Variants in GRM8 observed in about 807,000 individuals in gnomAD.
The protein encoded by GRM8 is glutamate metabotropic receptor 8, also known as metabotropic glutamate receptor 8.
A neutral mutation model predicts 87.2 loss-of-function variants in GRM8; 47 were observed. The ratio of observed to expected loss-of-function variants is 0.54; its 90% confidence interval spans 0.43 to 0.69. The LOEUF (loss-of-function observed/expected upper bound fraction) is 0.69. Ranked by LOEUF, GRM8 falls within the 30% of genes least tolerant of loss-of-function variation. The probability of loss-of-function intolerance (pLI) is 0.00; values close to 1 mark genes in which losing one functional copy is unlikely to be tolerated. For synonymous variants in GRM8, 396 were observed against 404.5 expected (o/e 0.98, Z 0.25); for missense variants, 1,019 against 1,139.2 (o/e 0.89, Z 1.52).
At chr7:126,757,016 C>T (rs1817084223) in intron 7 of GRM8, among the ~76,000 whole-genome samples, 2 of 151,956 alleles carry the variant, frequency 1.3e-5, no homozygotes, top group Admixed American at 1.3e-4. Flanking sequence ...ATTTAAACCT[C>T]ATTAATAGAT....
At chr7:127,084,126 G>A (rs1191885304) in intron 3 of GRM8, among the ~76,000 whole-genome samples, 1 of 152,156 alleles carries the variant, frequency 6.6e-6, no homozygotes, top group Non-Finnish European at 1.5e-5. Context: ...ATCATTGAAG[G>A]TGCCTAAAAA....
rs182035501 is a variant in GRM8 at position 126,846,783 on chromosome 7, T to G, written c.1156+55759A>C. On this transcript the variant is annotated intron_variant, in intron 6 of 10. Transcript: ENST00000339582. ...ATAAAAGAGAGTAGAAACAAAAGACTATAGCAGTTTAGTTCTAAAGGAGAG... is the reference window on the plus strand; with the variant it reads ...ATAAAAGAGAGTAGAAACAAAAGACGATAGCAGTTTAGTTCTAAAGGAGAG... Among the ~76,000 whole-genome samples the G allele has an allele frequency of 1.7e-3, 266 of 152,180 alleles. 1 individual carries two copies. The highest frequency in any genetic ancestry group is 6.3e-3 in the African/African-American group (260 of 41,540).
chr7:127,017,837 C>T (rs191607961), intron 3 of GRM8, among the ~76,000 whole-genome samples: 21 of 151,526 alleles, frequency 1.4e-4, no homozygotes, highest in African/African-American at 4.1e-4. Flanking sequence ...TGAATATTAA[C>T]GAAAATACTT....
At chr7:126,819,267 G>GACACACACACACACAC (rs1326195595) in intron 6 of GRM8, among the ~76,000 whole-genome samples, 16 of 54,892 alleles carry the variant, frequency 2.9e-4, no homozygotes, top group Admixed American at 2.4e-3. Flanking sequence ...TATTCAGACA[G>GACACACACACACACAC]ACACACATAC....
chr7:126,477,539 A>G (rs1806072197), intron 9 of GRM8, among the ~76,000 whole-genome samples: 1 of 150,902 alleles, frequency 6.6e-6, no homozygotes, highest in Non-Finnish European at 1.5e-5. Context: ...CTCAATAAAG[A>G]GACTGAGAAA....
intron 3 of GRM8, among the ~76,000 whole-genome samples, chr7:126,907,723 T>C (rs1013791077): frequency 6.6e-6 from 1 of 152,150 alleles, no homozygotes; most frequent in Non-Finnish European, 1.5e-5. Flanking sequence ...GTATGAGCAT[T>C]GCACTCCACG....
At chr7:126,831,033 C>T (rs982095628) in intron 6 of GRM8, among the ~76,000 whole-genome samples, 7 of 152,322 alleles carry the variant, frequency 4.6e-5, no homozygotes, top group African/African-American at 1.4e-4. Flanking sequence ...TCGTGATCCA[C>T]GAATGCTGCT....
chr7:126,923,225 C>T (rs559887689), intron 3 of GRM8, among the ~76,000 whole-genome samples: 29 of 152,182 alleles, frequency 1.9e-4, no homozygotes, highest in African/African-American at 6.7e-4. Flanking sequence ...ATAATAGGTG[C>T]TTGTTTAATA....
chr7:126,589,960 A>G (rs1796524973), intron 8 of GRM8, among the ~76,000 whole-genome samples: 1 of 152,118 alleles, frequency 6.6e-6, no homozygotes. Flanking sequence ...GGTAATGACA[A>G]AACAAGGTTG....
chr7:127,064,125 A>G (rs1820877458), intron 3 of GRM8, among the ~76,000 whole-genome samples: 1 of 152,226 alleles, frequency 6.6e-6, no homozygotes, highest in Non-Finnish European at 1.5e-5. Context: ...AAGTTCTGTG[A>G]AGGTCTATAA....
At chr7:127,201,387 G>A (rs17865967) in intron 2 of GRM8, among the ~76,000 whole-genome samples, 77 of 152,240 alleles carry the variant, frequency 5.1e-4, no homozygotes, top group East Asian at 2.7e-3. Context: ...TGGGGCTGCC[G>A]CTCAAATGCA....
In GRM8 at chr7:126,533,093, A is replaced by C; in HGVS notation, c.2289T>G (p.Cys763Trp). ...LGYSILLMVT[C>W]TVYAIKTRGV... ...CTCTCGTTTTAATGGCATAAACAGT[A>C]CAAGTGACCATCAAGAGGATACTGT... Residue 763 changes from cysteine (C) to tryptophan (W), a missense_variant, in exon 9 of 11, where the codon TGT becomes TGG. By Grantham distance (215) the Cys-to-Trp change is radical. Transcript: ENST00000339582. The C allele has an allele frequency of 6.2e-7, 1 of 1,613,650 alleles. No individual in the cohort carries two copies. Among genetic ancestry groups the C allele is most frequent in the Non-Finnish European group, 8.5e-7 (1 of 1,179,884 alleles).
chr7:126,569,273 T>G (rs1021217973), intron 8 of GRM8, among the ~76,000 whole-genome samples: 1 of 152,138 alleles, frequency 6.6e-6, no homozygotes, highest in African/African-American at 2.4e-5. Context: ...CAAGCCAATG[T>G]TTCTCTAATT....
chr7:126,678,497 A>G (rs914198479), intron 7 of GRM8, among the ~76,000 whole-genome samples: 10 of 152,222 alleles, frequency 6.6e-5, no homozygotes, highest in African/African-American at 2.4e-4. Context: ...TTTGGGGGGC[A>G]AGGAGAGGAA....
intron 7 of GRM8, among the ~76,000 whole-genome samples, chr7:126,732,480 G>A (rs569494510): frequency 6.6e-6 from 1 of 152,204 alleles, no homozygotes; most frequent in Non-Finnish European, 1.5e-5. Flanking sequence ...CCAAATTAGA[G>A]GAAGACATAT....
chr7:127,017,404 C>A (rs1815792448), intron 3 of GRM8, among the ~76,000 whole-genome samples: 1 of 152,088 alleles, frequency 6.6e-6, no homozygotes, highest in African/African-American at 2.4e-5. Context: ...TACCAGCACC[C>A]ACAACCCTAC....
At chr7:126,726,860 G>A (rs1490117466) in intron 7 of GRM8, among the ~76,000 whole-genome samples, 1 of 151,498 alleles carries the variant, frequency 6.6e-6, no homozygotes, top group Non-Finnish European at 1.5e-5. Context: ...CCCAAGATTT[G>A]CTCCAAGAAA....
At chr7:126,664,988 A>T (rs995140734) in intron 7 of GRM8, among the ~76,000 whole-genome samples, 2 of 152,114 alleles carry the variant, frequency 1.3e-5, no homozygotes, top group Admixed American at 6.5e-5. Context: ...CTTAAAACAC[A>T]AAAGCAGCCA....
chr7:126,475,049 C>T (rs552498117), intron 9 of GRM8, among the ~76,000 whole-genome samples: 5 of 152,206 alleles, frequency 3.3e-5, no homozygotes, highest in African/African-American at 1.2e-4. Context: ...AAGCTGATAG[C>T]TTTTCCTCTA....
Sources: gnomAD v4.1 joint callset for allele counts (sites outside exome capture counted in the v4.1 genomes callset) on GRCh38, gnomAD v4.1.1 for gene constraint, MANE v1.5 for transcripts, NCBI Gene and HGNC (gene_info 2026-07-23, HGNC 2026-07-21) for gene names.